CLIC5: variants seen among roughly 807,000 people sequenced by gnomAD.
CLIC5 encodes CLIC family member 5.
In CLIC5, 20 loss-of-function variants were observed where a neutral mutation model predicts 24.7. That is an observed-to-expected ratio of 0.81 (90% CI 0.57 to 1.18). The LOEUF (loss-of-function observed/expected upper bound fraction) is 1.18. CLIC5 is among the 50% of genes most tolerant of loss of function. The pLI is 0.00. For synonymous variants in CLIC5, 159 were observed against 135.6 expected (o/e 1.17, Z -1.20); for missense variants, 341 against 326.1 (o/e 1.05, Z -0.35).
intron 1 of CLIC5, among the ~76,000 whole-genome samples, chr6:46,056,530 C>G (rs568112801): frequency 5.3e-5 from 8 of 152,284 alleles, no homozygotes; most frequent in Non-Finnish European, 7.4e-5. Flanking sequence ...CAGCTCATGA[C>G]AGCCAGCTGT....
chr6:46,041,476 G>T (rs1319815182), intron 1 of CLIC5, among the ~76,000 whole-genome samples: 1 of 152,138 alleles, frequency 6.6e-6, no homozygotes. Flanking sequence ...TTTCCTTAGA[G>T]TCTGTTTACA....
intron 1 of CLIC5, among the ~76,000 whole-genome samples, chr6:46,007,554 T>G (rs1766631081): frequency 6.6e-6 from 1 of 152,208 alleles, no homozygotes; most frequent in African/African-American, 2.4e-5. Context: ...TGGGATAGCC[T>G]CCTCACTGAC....
At chr6:46,003,428 A>C (rs1766430877) in intron 1 of CLIC5, among the ~76,000 whole-genome samples, 1 of 152,192 alleles carries the variant, frequency 6.6e-6, no homozygotes, top group African/African-American at 2.4e-5. Context: ...TGCAAAAACA[A>C]CAACAACACC....
At chr6:46,128,123 T>C in the CLIC5 span, among the ~76,000 whole-genome samples, 2 of 152,198 alleles carry the variant, frequency 1.3e-5, no homozygotes, top group African/African-American at 4.8e-5. Flanking sequence ...GGTAAATATA[T>C]AGAGGATAAC....
At position 45,961,736 on chromosome 6, in the gene CLIC5, G is replaced by A. The variant is rs181408410; in HGVS notation, c.64-6492C>T. 1.9e-3 allele frequency among the ~76,000 whole-genome samples: 293 copies of A among 152,010 alleles called. 3 individuals carry two copies. Among genetic ancestry groups the A allele is most frequent in the Admixed American group, 0.016 (243 of 15,272 alleles). ...TAGCAGGGATGGGACTTGGTGGTAC[G>A]TGGTCCACATGAGGACAGAGAGGTC... On this transcript the variant is annotated intron_variant, in intron 1 of 5. Coordinates refer to ENST00000339561, the MANE Select transcript of CLIC5 (RefSeq NM_016929.5).
intron 1 of CLIC5, among the ~76,000 whole-genome samples, chr6:46,013,501 G>A (rs986204547): frequency 6.6e-6 from 1 of 152,144 alleles, no homozygotes; most frequent in Non-Finnish European, 1.5e-5. Context: ...TTTCATACCT[G>A]ATGTTTTGAT....
At chr6:45,944,472 C>T (rs1764226029) in intron 3 of CLIC5, among the ~76,000 whole-genome samples, 1 of 150,160 alleles carries the variant, frequency 6.7e-6, no homozygotes, top group Admixed American at 6.6e-5. Flanking sequence ...TTTCTCTCCA[C>T]CCGGTTTTTA....
At chr6:46,018,312 G>A (rs1767079099), upstream of CLIC5, among the ~76,000 whole-genome samples, 1 of 152,178 alleles carries the variant, frequency 6.6e-6, no homozygotes, top group Non-Finnish European at 1.5e-5. Context: ...TGTGTGGTAT[G>A]ACTTCTCTTT....
intron 1 of CLIC5, among the ~76,000 whole-genome samples, chr6:46,000,493 T>G (rs769198726): frequency 6.6e-6 from 1 of 152,192 alleles, no homozygotes; most frequent in Admixed American, 6.5e-5. Context: ...GAGCCATGCA[T>G]GGATGGTCTT....
At chr6:45,961,395 C>T (rs370177116) in intron 1 of CLIC5, among the ~76,000 whole-genome samples, 9 of 152,242 alleles carry the variant, frequency 5.9e-5, no homozygotes, top group South Asian at 2.1e-4. Context: ...AATGAATTGC[C>T]CATGGTAGCA....
intron 1 of CLIC5, among the ~76,000 whole-genome samples, chr6:45,998,326 T>A (rs1272896037): frequency 6.6e-6 from 1 of 152,214 alleles, no homozygotes; most frequent in Non-Finnish European, 1.5e-5. Context: ...AGGAGCAGCA[T>A]GTGTCAGCAG....
intron 1 of CLIC5, among the ~76,000 whole-genome samples, chr6:46,008,153 A>G (rs1581856097): frequency 6.6e-6 from 1 of 152,206 alleles, no homozygotes; most frequent in East Asian, 1.9e-4. Context: ...CTTACAAGGG[A>G]GCAGATACCA....
At chr6:46,012,462 G>A (rs567724596) in intron 1 of CLIC5, among the ~76,000 whole-genome samples, 6 of 152,334 alleles carry the variant, frequency 3.9e-5, no homozygotes, top group South Asian at 4.1e-4. Context: ...AATGTTCCCC[G>A]AAAGGGAAAG....
intron 4 of CLIC5, among the ~76,000 whole-genome samples, chr6:45,932,386 C>T (rs1267470466): frequency 6.6e-6 from 1 of 152,140 alleles, no homozygotes; most frequent in South Asian, 2.1e-4. Context: ...GGATTACAGG[C>T]GTGAGCCACC....
intron 5 of CLIC5, among the ~76,000 whole-genome samples, chr6:45,905,171 G>A (rs1253759334): frequency 6.6e-6 from 1 of 152,180 alleles, no homozygotes; most frequent in Non-Finnish European, 1.5e-5. Flanking sequence ...ATTGTGAAGA[G>A]AGCTGTCATA....
the CLIC5 span, among the ~76,000 whole-genome samples, chr6:46,123,880 G>A: frequency 6.6e-6 from 1 of 152,184 alleles, no homozygotes; most frequent in Non-Finnish European, 1.5e-5. Flanking sequence ...TACAAGGGAT[G>A]TGAAGGACCT....
intron 1 of CLIC5, among the ~76,000 whole-genome samples, chr6:46,050,541 CA>C (rs1211447242): frequency 2.6e-5 from 4 of 152,200 alleles, no homozygotes; most frequent in African/African-American, 9.7e-5. Context: ...GAGTTACTAA[CA>C]GATGCCAAAC....
chr6:46,090,803 T>G, the CLIC5 span, among the ~76,000 whole-genome samples: 27 of 152,222 alleles, frequency 1.8e-4, no homozygotes, highest in Admixed American at 3.3e-4. Flanking sequence ...TTCTTACATG[T>G]TTTAGGTTCA....
At chr6:45,903,380 T>C (rs1196311634) in intron 5 of CLIC5, 125 bp from the exon 6 acceptor site, 1 of 685,656 alleles carries the variant, frequency 1.5e-6, no homozygotes, top group African/African-American at 1.9e-5. Flanking sequence ...GGGCCATCAG[T>C]GATATGTTTG....
Sources: allele counts gnomAD v4.1 joint callset (sites outside exome capture counted in the v4.1 genomes callset), GRCh38; gene constraint gnomAD v4.1.1; transcripts MANE v1.5; gene names NCBI Gene and HGNC (gene_info 2026-07-23, HGNC 2026-07-21).